The following GALNTL6 variants were observed in gnomAD, a reference collection of about 807,000 sequenced individuals.
The protein encoded by GALNTL6 is polypeptide N-acetylgalactosaminyltransferase like 6, also known as polypeptide N-acetylgalactosaminyltransferase-like 6.
In GALNTL6, 46 loss-of-function variants were observed where a neutral mutation model predicts 73.7. The observed-to-expected ratio is 0.62, with a 90% CI of 0.49 to 0.80. GALNTL6 has a LOEUF of 0.80. Among genes scored for constraint, GALNTL6 ranks in the 30% least tolerant of loss-of-function variants. GALNTL6 has a pLI of 0.00. For missense variants in GALNTL6, 604 were observed against 755.0 expected, an observed-to-expected ratio of 0.80 and a Z score of 2.34; for synonymous variants, 259 against 263.7, an observed-to-expected ratio of 0.98 and a Z score of 0.17.
intron 2 of GALNTL6, among the ~76,000 whole-genome samples, chr4:171,982,017 TTA>T (rs1272775384): frequency 6.6e-6 from 1 of 152,116 alleles, no homozygotes; most frequent in Non-Finnish European, 1.5e-5. Context: ...TGGGGTAATC[TTA>T]TAGTCAGTCT....
chr4:172,889,692 T>C (rs1390340749), intron 8 of GALNTL6, among the ~76,000 whole-genome samples: 1 of 152,192 alleles, frequency 6.6e-6, no homozygotes, highest in Non-Finnish European at 1.5e-5. Context: ...TCTATGTTCA[T>C]CAGAGTGACT....
intron 5 of GALNTL6, among the ~76,000 whole-genome samples, chr4:172,460,243 G>T (rs968810974): frequency 6.6e-6 from 1 of 152,146 alleles, no homozygotes; most frequent in Non-Finnish European, 1.5e-5. Flanking sequence ...AGACTTAAAT[G>T]TAAGACCTAA....
chr4:172,219,199 GTATATATATATATA>G (rs34783084), intron 2 of GALNTL6, among the ~76,000 whole-genome samples: 1 of 116,206 alleles, frequency 8.6e-6, no homozygotes, highest in Non-Finnish European at 1.8e-5. Flanking sequence ...TTAAGCAAGT[GTATATATATATATA>G]TATATATATA....
chr4:172,487,367 C>CTTCTTTTCTTTTCTTTTCTTTTCTT (rs200452023), intron 5 of GALNTL6, among the ~76,000 whole-genome samples: 14 of 86,984 alleles, frequency 1.6e-4, no homozygotes, highest in Admixed American at 2.5e-4. Flanking sequence ...TCCTTCTTTC[C>CTTCTTTTCTTTTCTTTTCTTTTCTT]TTCTTTTCTT....
chr4:172,254,533 A>G (rs1033108236), intron 3 of GALNTL6, among the ~76,000 whole-genome samples: 4 of 151,648 alleles, frequency 2.6e-5, no homozygotes, highest in African/African-American at 9.7e-5. Context: ...ACTCATACAC[A>G]GGACCTGGAA....
chr4:172,351,326 G>A (rs1309316061), intron 5 of GALNTL6, among the ~76,000 whole-genome samples: 2 of 151,988 alleles, frequency 1.3e-5, no homozygotes, highest in African/African-American at 2.4e-5. Flanking sequence ...GGAGAAATTA[G>A]GACTGCCTTA....
At chr4:172,360,028 A>G (rs1271685324) in intron 5 of GALNTL6, among the ~76,000 whole-genome samples, 1 of 152,240 alleles carries the variant, frequency 6.6e-6, no homozygotes, top group Non-Finnish European at 1.5e-5. Context: ...AAAATCCAGA[A>G]GAGGGCCTAA....
intron 2 of GALNTL6, among the ~76,000 whole-genome samples, chr4:171,942,121 T>G (rs2111014964): frequency 6.6e-6 from 1 of 152,122 alleles, no homozygotes; most frequent in South Asian, 2.1e-4. Flanking sequence ...CTGCGTTCGG[T>G]GGCTCACGCC....
intron 5 of GALNTL6, among the ~76,000 whole-genome samples, chr4:172,672,133 C>T (rs1275343637): frequency 3.3e-5 from 5 of 152,200 alleles, no homozygotes; most frequent in Admixed American, 6.5e-5. Context: ...TCAGGTGATC[C>T]ACCCACCTTA....
intron 5 of GALNTL6, among the ~76,000 whole-genome samples, chr4:172,725,264 A>G (rs962839822): frequency 6.6e-6 from 1 of 152,200 alleles, no homozygotes; most frequent in African/African-American, 2.4e-5. Context: ...AGCAACTTCC[A>G]ACTGAATATT....
In GALNTL6 at chr4:172,899,669, C is replaced by T. The variant is rs191877171; in HGVS notation, c.1041+16762C>T. Among the ~76,000 whole-genome samples the T allele has an allele frequency of 1.6e-3, 251 of 152,162 alleles. 2 individuals carry two copies. Among genetic ancestry groups the T allele is most frequent in the Middle Eastern group, 3.4e-3 (1 of 294 alleles). ...GCTCAAGAAAGACTTCAAGGCAAAC[C>T]CGTAGAGTACAGTGAAAGCAAGTTT... is the stretch of plus-strand genomic sequence containing the variant. On this transcript the variant is annotated intron_variant, in intron 8 of 12. Coordinates refer to ENST00000506823, the MANE Select transcript of GALNTL6 (RefSeq NM_001034845.3).
intron 10 of GALNTL6, among the ~76,000 whole-genome samples, chr4:173,006,843 G>C (rs1409527862): frequency 6.6e-6 from 1 of 152,172 alleles, no homozygotes; most frequent in Non-Finnish European, 1.5e-5. Flanking sequence ...TTGTTTGTTT[G>C]TTTCAAAAAT....
intron 7 of GALNTL6, among the ~76,000 whole-genome samples, chr4:172,843,608 T>C (rs1259092222): frequency 6.6e-6 from 1 of 152,204 alleles, no homozygotes; most frequent in Non-Finnish European, 1.5e-5. Flanking sequence ...ATAGCAGTCA[T>C]TTGGCTTTCT....
chr4:172,559,272 G>T (rs1016377023), intron 5 of GALNTL6, among the ~76,000 whole-genome samples: 1 of 151,774 alleles, frequency 6.6e-6, no homozygotes, highest in African/African-American at 2.4e-5. Context: ...CACCATGTTA[G>T]CCAGGATGGT....
intron 2 of GALNTL6, among the ~76,000 whole-genome samples, chr4:171,861,946 A>G (rs1208592706): frequency 6.6e-6 from 1 of 152,148 alleles, no homozygotes; most frequent in African/African-American, 2.4e-5. Context: ...CAATTTTATT[A>G]AAGGCTTTGC....
chr4:172,350,349 A>G (rs1473020765), intron 5 of GALNTL6, among the ~76,000 whole-genome samples: 1 of 152,190 alleles, frequency 6.6e-6, no homozygotes, highest in Non-Finnish European at 1.5e-5. Context: ...AAGCCTTTGA[A>G]AAGGTTGAAA....
chr4:172,662,557 T>C (rs1421107303), intron 5 of GALNTL6, among the ~76,000 whole-genome samples: 1 of 152,200 alleles, frequency 6.6e-6, no homozygotes. Context: ...ACAATTAACA[T>C]GGGCCTTGAA....
Position 172,742,671 on chromosome 4 carries a change from A to T in GALNTL6, c.554-66690A>T, listed in dbSNP as rs546676817. On this transcript the variant is annotated intron_variant, in intron 5 of 12. Coordinates refer to ENST00000506823, the MANE Select transcript of GALNTL6 (RefSeq NM_001034845.3). ...CTGGCTATGTAAGAGACTACCTATAAAATAGCATGTGTCCAAACCTTTAGC... is the reference window on the plus strand; with the variant it reads ...CTGGCTATGTAAGAGACTACCTATATAATAGCATGTGTCCAAACCTTTAGC... 8.5e-5 allele frequency among the ~76,000 whole-genome samples: 13 copies of T among 152,164 alleles called. No homozygotes were observed. The South Asian group carries it at 2.7e-3, about 32-fold the overall frequency.
At chr4:172,535,834 C>T (rs548629620) in intron 5 of GALNTL6, among the ~76,000 whole-genome samples, 1 of 152,062 alleles carries the variant, frequency 6.6e-6, no homozygotes, top group Non-Finnish European at 1.5e-5. Context: ...TCAGGTTGGG[C>T]CCTACAAGTG....
Sources: allele counts gnomAD v4.1 joint callset (sites outside exome capture counted in the v4.1 genomes callset), GRCh38; gene constraint gnomAD v4.1.1; transcripts MANE v1.5; gene names NCBI Gene and HGNC (gene_info 2026-07-23, HGNC 2026-07-21).